SLCO3A1: variants seen among roughly 807,000 people sequenced by gnomAD.
SLCO3A1 encodes PGE1 transporter.
In SLCO3A1, 27 loss-of-function variants were observed where a neutral mutation model predicts 63.1. The observed-to-expected ratio is 0.43, with a 90% confidence interval of 0.32 to 0.59. The LOEUF is 0.59. Among genes scored for constraint, SLCO3A1 ranks in the 20% least tolerant of loss-of-function variants. The probability of loss-of-function intolerance (pLI) is 0.09; values close to 1 mark genes in which losing one functional copy is unlikely to be tolerated. For synonymous variants in SLCO3A1, 473 were observed against 409.9 expected (o/e 1.15, Z -1.86); for missense variants, 773 against 945.8 (o/e 0.82, Z 2.40).
At chr15:92,098,735 G>A (rs2047569875) in intron 3 of SLCO3A1, among the ~76,000 whole-genome samples, 1 of 152,080 alleles carries the variant, frequency 6.6e-6, no homozygotes, top group South Asian at 2.1e-4. Flanking sequence ...AAGAATTCAA[G>A]CACTGGAATC....
intron 1 of SLCO3A1, among the ~76,000 whole-genome samples, chr15:91,902,561 A>G (rs1011374947): frequency 1.3e-5 from 2 of 151,972 alleles, no homozygotes; most frequent in Non-Finnish European, 2.9e-5. Flanking sequence ...GCCAACCTAC[A>G]TGGGAGTAGG....
chr15:91,934,939 C>A lies in SLCO3A1; in HGVS notation c.646+18481C>A, dbSNP rs989440378. On this transcript the variant is annotated intron_variant, in intron 2 of 9. Transcript: ENST00000318445. ...GATTGGTAAAACTCTTTGGAGGCGT[C>A]CTTCGTGAATTTCCTGACTTTTTTT... Among the ~76,000 whole-genome samples the A allele has an allele frequency of 4.6e-5, 7 of 152,164 alleles. No homozygotes were observed. The East Asian group carries it at 1.4e-3, about 29-fold the overall frequency.
intron 2 of SLCO3A1, among the ~76,000 whole-genome samples, chr15:92,015,845 G>A (rs1213957084): frequency 6.6e-6 from 1 of 152,192 alleles, no homozygotes; most frequent in Non-Finnish European, 1.5e-5. Context: ...CATGGCTTCA[G>A]AAACAGGGGC....
At position 92,016,811 on chromosome 15, in the gene SLCO3A1, T is replaced by A. The variant is rs181123558; in HGVS notation, c.647-78070T>A. On this transcript the variant is annotated intron_variant, in intron 2 of 9. Transcript: ENST00000318445. ...GGAGGAGGGAAAGATTGGGGGAGGA[T>A]GGAAGATGAACTTCGGGCCTGTGGA... Among the ~76,000 whole-genome samples the A allele has an allele frequency of 9.4e-3, 1,433 of 152,112 alleles. 11 individuals carry two copies. The highest frequency in any genetic ancestry group is 0.012 in the Non-Finnish European group (805 of 67,974).
intron 2 of SLCO3A1, among the ~76,000 whole-genome samples, chr15:91,995,459 A>T (rs954220025): frequency 1.3e-5 from 2 of 152,218 alleles, no homozygotes; most frequent in East Asian, 3.8e-4. Context: ...TAGGAAGCTA[A>T]TGGTTAGGAA....
chr15:92,166,682 A>C (rs2048495407), downstream of SLCO3A1, among the ~76,000 whole-genome samples: 1 of 152,226 alleles, frequency 6.6e-6, no homozygotes, highest in Admixed American at 6.5e-5. Flanking sequence ...TTTTCCCAGG[A>C]AAAAGATTCT....
intron 3 of SLCO3A1, among the ~76,000 whole-genome samples, chr15:92,103,546 G>C (rs1309386649): frequency 1.4e-5 from 2 of 141,388 alleles, no homozygotes; most frequent in African/African-American, 2.6e-5. Context: ...TTAATGCATG[G>C]AAACAAAGGC....
chr15:92,067,391 A>G (rs1472748125), intron 2 of SLCO3A1, among the ~76,000 whole-genome samples: 2 of 149,902 alleles, frequency 1.3e-5, no homozygotes, highest in African/African-American at 2.5e-5. Context: ...TGTAGCCTAC[A>G]TCCCCGAGGG....
chr15:92,031,164 C>T (rs532908223), intron 2 of SLCO3A1, among the ~76,000 whole-genome samples: 1 of 151,668 alleles, frequency 6.6e-6, no homozygotes, highest in African/African-American at 2.4e-5. Flanking sequence ...CACAGGAAAG[C>T]CAGGGGTAAG....
At chr15:92,122,328 T>G (rs2047872544) in intron 5 of SLCO3A1, among the ~76,000 whole-genome samples, 1 of 152,216 alleles carries the variant, frequency 6.6e-6, no homozygotes, top group South Asian at 2.1e-4. Context: ...TCAGATTGTC[T>G]GCTGAGAGGA....
intron 2 of SLCO3A1, among the ~76,000 whole-genome samples, chr15:92,002,044 C>T (rs534306272): frequency 5.9e-5 from 9 of 152,008 alleles, no homozygotes; most frequent in Non-Finnish European, 1.2e-4. Flanking sequence ...TCACTACATA[C>T]GGAAGACCAC....
rs1380644591 is a variant in SLCO3A1 at position 91,894,168 on chromosome 15, C to T, written c.181-21825C>T. 6.6e-6 allele frequency among the ~76,000 whole-genome samples: 1 copy of T among 151,552 alleles called. No individual in the cohort carries two copies. The highest frequency in any genetic ancestry group is 2.4e-5 in the African/African-American group (1 of 41,156). ...TGGGTTTGATCTGTTTGCAGAACAGCAAGGCAACTGGTGTGGTTTGAATGG... is the reference window on the plus strand; with the variant it reads ...TGGGTTTGATCTGTTTGCAGAACAGTAAGGCAACTGGTGTGGTTTGAATGG... On this transcript the variant is annotated intron_variant, in intron 1 of 9. Coordinates refer to ENST00000318445, the MANE Select transcript of SLCO3A1 (RefSeq NM_013272.4). The surrounding 1 kb of genome is among the most constrained non-coding windows in gnomAD (Gnocchi z 4.8).
intron 9 of SLCO3A1, among the ~76,000 whole-genome samples, chr15:92,153,099 G>A (rs8036948): frequency 0.076 from 11,618 of 152,266 alleles, 667 homozygotes; most frequent in Non-Finnish European, 0.1. Flanking sequence ...TTCAATATCT[G>A]TATGTCTGCC....
At chr15:91,924,168 T>TGG (rs1898937428) in intron 2 of SLCO3A1, among the ~76,000 whole-genome samples, 1 of 152,204 alleles carries the variant, frequency 6.6e-6, no homozygotes, top group Non-Finnish European at 1.5e-5. Flanking sequence ...GTCACAATCT[T>TGG]AAGTGCTGAA....
intron 1 of SLCO3A1, among the ~76,000 whole-genome samples, chr15:91,864,016 A>G (rs774249174): frequency 3.3e-5 from 5 of 152,244 alleles, no homozygotes; most frequent in Non-Finnish European, 7.3e-5. Context: ...GCAGTTTTGC[A>G]GCTTTGCAGC....
intron 7 of SLCO3A1, among the ~76,000 whole-genome samples, chr15:92,141,154 C>G (rs1217941449): frequency 6.6e-6 from 1 of 152,156 alleles, no homozygotes; most frequent in Non-Finnish European, 1.5e-5. Flanking sequence ...CCGCCACCCC[C>G]CAAGTTTGGA....
At chr15:92,078,419 C>T (rs2151521052) in intron 2 of SLCO3A1, among the ~76,000 whole-genome samples, 1 of 152,324 alleles carries the variant, frequency 6.6e-6, no homozygotes, top group Non-Finnish European at 1.5e-5. Flanking sequence ...AGCCCAGGAG[C>T]TGCTGTGCTT....
At chr15:92,159,274 C>T (rs752823275) in intron 9 of SLCO3A1, among the ~76,000 whole-genome samples, 2 of 152,168 alleles carry the variant, frequency 1.3e-5, no homozygotes, top group Non-Finnish European at 1.5e-5. Context: ...ATCACAAGGT[C>T]AAGAGATCGA....
At chr15:92,143,108 T>C (rs1281670360) in intron 7 of SLCO3A1, among the ~76,000 whole-genome samples, 1 of 151,100 alleles carries the variant, frequency 6.6e-6, no homozygotes, top group African/African-American at 2.4e-5. Context: ...GGTACTGGAA[T>C]TGAGGGATTC....
Sources: allele counts gnomAD v4.1 joint callset (sites outside exome capture counted in the v4.1 genomes callset), GRCh38; gene constraint gnomAD v4.1.1; non-coding constraint Gnocchi (gnomAD v3.1); transcripts MANE v1.5; gene names NCBI Gene and HGNC (gene_info 2026-07-23, HGNC 2026-07-21).